RASGRP3: variants seen among roughly 807,000 people sequenced by gnomAD.
RASGRP3 encodes the protein ras guanyl-releasing protein 3.
RASGRP3 carries 54 observed loss-of-function variants against 82.7 expected under a neutral mutation model. The ratio of observed to expected loss-of-function variants is 0.65; its 90% CI spans 0.52 to 0.82. The LOEUF (loss-of-function observed/expected upper bound fraction) is 0.82, where lower values mean the gene tolerates loss of function less well. RASGRP3 is among the 40% of genes least tolerant of loss of function. RASGRP3 has a pLI of 0.00. For missense variants in RASGRP3, 861 were observed against 828.9 expected (o/e 1.04, Z -0.48); for synonymous variants, 309 against 300.5 (o/e 1.03, Z -0.29).
At chr2:33,466,498 G>C (rs1666704166) in intron 2 of RASGRP3, among the ~76,000 whole-genome samples, 1 of 152,072 alleles carries the variant, frequency 6.6e-6, no homozygotes, top group African/African-American at 2.4e-5. Context: ...GACCAACATG[G>C]TGAAACCCTG....
intron 1 of RASGRP3, among the ~76,000 whole-genome samples, chr2:33,493,862 A>T (rs1338536973): frequency 6.6e-6 from 1 of 152,206 alleles, no homozygotes; most frequent in Non-Finnish European, 1.5e-5. Flanking sequence ...AAGAAATTCC[A>T]TGACTGGTGA....
intron 1 of RASGRP3, among the ~76,000 whole-genome samples, chr2:33,437,686 A>T (rs1664998554): frequency 6.6e-6 from 1 of 152,204 alleles, no homozygotes; most frequent in African/African-American, 2.4e-5. Context: ...CTCAGTGTGG[A>T]TCCCACTGGC....
At chr2:33,461,672 C>T (rs1666374893) in intron 2 of RASGRP3, among the ~76,000 whole-genome samples, 2 of 152,192 alleles carry the variant, frequency 1.3e-5, no homozygotes, top group African/African-American at 2.4e-5. Flanking sequence ...ATGTTAGATC[C>T]TCATTCCTCA....
At position 33,558,073 on chromosome 2, in the gene RASGRP3, A is replaced by G. The variant is rs1222892880; in HGVS notation, c.1580-138A>G. The stretch of plus-strand genomic sequence containing the variant: ...TCTTTCCAGATCCTAGACACACCCC[A>G]TGGGCCTGAGCTCAACTCTGAAATT... On this transcript the variant is annotated intron_variant, in intron 15 of 17. Transcript: ENST00000403687. The G allele has an allele frequency of 6.0e-6, 7 of 1,166,218 alleles. No individual in the cohort carries two copies. In the Admixed American group the frequency reaches 6.3e-5, roughly 10 times the overall value. 72.2% of individuals were successfully genotyped at this position (1,166,218 alleles called of 1,614,324 possible).
chr2:33,543,453 A>G (rs1005280758), intron 12 of RASGRP3, 59 bp from the exon 13 acceptor site: 16 of 1,086,038 alleles, frequency 1.5e-5, no homozygotes, highest in African/African-American at 3.2e-5. Context: ...TGCTTTTGCA[A>G]TAACAAGTTC....
At chr2:33,445,091 AAGGATAGGAAGTATG>A in intron 1 of RASGRP3, among the ~76,000 whole-genome samples, 1 of 152,222 alleles carries the variant, frequency 6.6e-6, no homozygotes, top group South Asian at 2.1e-4. Context: ...GTCTTATTTG[AAGGATAGGAAGTATG>A]CTATAATAAT....
At position 33,549,738 on chromosome 2, in the gene RASGRP3, A is replaced by G; in HGVS notation, c.1529A>G (p.His510Arg). The G allele has an allele frequency of 1.2e-6, 2 of 1,613,634 alleles. No homozygotes were observed. The highest frequency in any genetic ancestry group is 1.7e-6 in the Non-Finnish European group (2 of 1,179,802). Residue 510 changes from histidine (H) to arginine (R), a missense_variant, in exon 14 of 18, where the codon CAC (histidine) becomes CGC (arginine). By Grantham distance (29) the His-to-Arg change is conservative. Coordinates refer to ENST00000403687, the MANE Select transcript of RASGRP3 (RefSeq NM_001139488.2). ...TATCTCAAGCCAACCTTCTGCGAAC[A>G]CTGTGCGGGATTTGTAAGTCTGTTT... ...MTYLKPTFCE[H>R]CAGFLWGIIK...
At chr2:33,557,641 C>T (rs1021097263) in intron 15 of RASGRP3, among the ~76,000 whole-genome samples, 2 of 150,564 alleles carry the variant, frequency 1.3e-5, no homozygotes, top group Admixed American at 6.7e-5. Flanking sequence ...ACCCGGGAGG[C>T]GGAGCTTGCA....
intron 14 of RASGRP3, among the ~76,000 whole-genome samples, chr2:33,554,377 T>C (rs1490308876): frequency 1.3e-5 from 2 of 152,216 alleles, no homozygotes; most frequent in African/African-American, 4.8e-5. Flanking sequence ...CTTCTCCAAC[T>C]TGAGCTAAGC....
chr2:33,475,666 C>G (rs75083101), upstream of RASGRP3, among the ~76,000 whole-genome samples: 2,686 of 152,172 alleles, frequency 0.018, 88 homozygotes, highest in African/African-American at 0.062. Flanking sequence ...TCAGACACTA[C>G]GTAAAGTCAG....
chr2:33,562,344 C>A (rs1200870491), intron 17 of RASGRP3, among the ~76,000 whole-genome samples: 2 of 151,634 alleles, frequency 1.3e-5, no homozygotes, highest in Non-Finnish European at 2.9e-5. Flanking sequence ...CATAGCTCAC[C>A]ACAGCCTCGA....
At chr2:33,487,845 A>G (rs1233607180) in intron 1 of RASGRP3, among the ~76,000 whole-genome samples, 1 of 152,204 alleles carries the variant, frequency 6.6e-6, no homozygotes, top group Non-Finnish European at 1.5e-5. Flanking sequence ...CATGCTTGTA[A>G]TTCTAGCGCT....
At chr2:33,552,849 CCTGA>C (rs1675502522) in intron 14 of RASGRP3, among the ~76,000 whole-genome samples, 1 of 152,192 alleles carries the variant, frequency 6.6e-6, no homozygotes, top group Non-Finnish European at 1.5e-5. Flanking sequence ...ACCCAGGTCT[CCTGA>C]CTCTCAGTCC....
intron 2 of RASGRP3, among the ~76,000 whole-genome samples, chr2:33,513,276 G>A (rs1671114021): frequency 6.6e-6 from 1 of 152,168 alleles, no homozygotes; most frequent in Admixed American, 6.5e-5. Context: ...TTTTTCCCCA[G>A]AGTTATGTGC....
intron 1 of RASGRP3, among the ~76,000 whole-genome samples, chr2:33,510,108 C>G (rs994011183): frequency 4.6e-5 from 7 of 152,206 alleles, no homozygotes; most frequent in African/African-American, 1.7e-4. Context: ...AGAGAAACCT[C>G]TTTGTCTCCA....
intron 10 of RASGRP3, chr2:33,533,953 T>A (rs1213235188): frequency 1.6e-5 from 3 of 191,982 alleles, no homozygotes; most frequent in African/African-American, 4.7e-5. Context: ...TCAACAGTTC[T>A]TTAATCAAAC....
intron 2 of RASGRP3, among the ~76,000 whole-genome samples, chr2:33,451,641 T>C (rs2150885669): frequency 6.6e-6 from 1 of 152,334 alleles, no homozygotes; most frequent in South Asian, 2.1e-4. Context: ...CATTTACTGC[T>C]GCTTTCAAAG....
At chr2:33,501,712 C>T (rs775466203) in intron 1 of RASGRP3, among the ~76,000 whole-genome samples, 4 of 152,162 alleles carry the variant, frequency 2.6e-5, no homozygotes, top group Non-Finnish European at 5.9e-5. Flanking sequence ...GTAGCTGAAG[C>T]CACTTCTGTG....
chr2:33,449,247 A>T (rs561532980), intron 2 of RASGRP3, among the ~76,000 whole-genome samples: 1 of 152,348 alleles, frequency 6.6e-6, no homozygotes, highest in African/African-American at 2.4e-5. Flanking sequence ...TGAATGAATG[A>T]AAGTATTAAC....
Sources: gnomAD v4.1 joint callset for allele counts (sites outside exome capture counted in the v4.1 genomes callset) on GRCh38, gnomAD v4.1.1 for gene constraint, MANE v1.5 for transcripts, NCBI Gene and HGNC (gene_info 2026-07-23, HGNC 2026-07-21) for gene names.